PCDHA9: variants seen among roughly 807,000 people sequenced by gnomAD.
PCDHA9 encodes protocadherin alpha 9, also known as protocadherin alpha-9.
A neutral mutation model predicts 62.0 loss-of-function variants in PCDHA9; 62 were observed. The observed-to-expected ratio is 1.00, with a 90% CI of 0.81 to 1.23. The LOEUF is 1.23. Ranked by LOEUF, PCDHA9 falls within the 50% of genes most tolerant of loss-of-function variation. The pLI is 0.00. For synonymous variants in PCDHA9, 557 were observed against 567.6 expected (o/e 0.98, Z 0.27); for missense variants, 1,205 against 1,249.8 (o/e 0.96, Z 0.54).
intron 1 of PCDHA9, among the ~76,000 whole-genome samples, chr5:140,940,939 C>T (rs930086780): frequency 2.0e-5 from 3 of 152,154 alleles, no homozygotes; most frequent in African/African-American, 2.4e-5. Context: ...ACTTAGACTA[C>T]GTATTCTCAG....
chr5:140,906,595 C>T (rs1341854347), intron 1 of PCDHA9, among the ~76,000 whole-genome samples: 1 of 152,218 alleles, frequency 6.6e-6, no homozygotes, highest in Non-Finnish European at 1.5e-5. Context: ...CCTTCCTCTA[C>T]TACTCATTCT....
chr5:140,955,492 A>G, intron 1 of PCDHA9, among the ~76,000 whole-genome samples: 1 of 152,138 alleles, frequency 6.6e-6, no homozygotes, highest in East Asian at 1.9e-4. Context: ...TCCTGCCACC[A>G]TGTGAAGAAA....
chr5:140,916,492 C>T (rs1310558218), intron 1 of PCDHA9, among the ~76,000 whole-genome samples: 2 of 152,170 alleles, frequency 1.3e-5, no homozygotes, highest in Admixed American at 6.5e-5. Context: ...GCTCTTTAGT[C>T]AGCAGGTGAT....
At chr5:140,880,582 A>G (rs2058391478) in intron 1 of PCDHA9, among the ~76,000 whole-genome samples, 1 of 152,230 alleles carries the variant, frequency 6.6e-6, no homozygotes, top group South Asian at 2.1e-4. Flanking sequence ...GAAGAGAGGA[A>G]AGAGAATATG....
chr5:140,948,158 A>C lies in PCDHA9; in HGVS notation c.2395-30791A>C, dbSNP rs191151506. On this transcript the variant is annotated intron_variant, in intron 1 of 3. Transcript: ENST00000532602. The stretch of plus-strand genomic sequence containing the variant: ...TAATTGATTTTTGAATGTTGGAAAA[A>C]ACCTTCCATTCCTAGGGTAAATCCC... Among the ~76,000 whole-genome samples the C allele has an allele frequency of 2.8e-3, 418 of 151,676 alleles. 1 individual carries two copies. The highest frequency in any genetic ancestry group is 0.014 in the Middle Eastern group (4 of 294).
chr5:140,880,528 A>T lies in PCDHA9; in HGVS notation c.2394+29639A>T, dbSNP rs539592135. ...GTTTGGTCACATCTCTCAATGTGTGAATCATCTGAAAGTGAACTGATGGAA... is the reference window on the plus strand; with the variant it reads ...GTTTGGTCACATCTCTCAATGTGTGTATCATCTGAAAGTGAACTGATGGAA... On this transcript the variant is annotated intron_variant, in intron 1 of 3. Coordinates refer to ENST00000532602, the MANE Select transcript of PCDHA9 (RefSeq NM_031857.2). 7.9e-5 allele frequency among the ~76,000 whole-genome samples: 12 copies of T among 152,354 alleles called. No homozygotes were observed. The East Asian group carries it at 2.3e-3, about 29-fold the overall frequency.
chr5:140,867,042 G>T lies in PCDHA9; in HGVS notation c.2394+16153G>T, dbSNP rs782113838. Reference sequence around the variant, plus strand: ...ATATCAAACTCTTTTATGACTTGGCGTTTGTTCAGTACTACTTTATATATT... The same window carrying T: ...ATATCAAACTCTTTTATGACTTGGCTTTTGTTCAGTACTACTTTATATATT... On this transcript the variant is annotated intron_variant, in intron 1 of 3. Transcript: ENST00000532602. The T allele has an allele frequency of 4.6e-5, 7 of 152,202 alleles. 1 individual carries two copies. Among genetic ancestry groups the T allele is most frequent in the African/African-American group, 1.7e-4 (7 of 41,564 alleles). 9.4% of individuals were successfully genotyped at this position (152,202 alleles called of 1,614,324 possible). A position where few individuals can be genotyped will look rare whatever the true frequency, so the allele number is the denominator to read the frequency against.
intron 1 of PCDHA9, among the ~76,000 whole-genome samples, chr5:140,886,192 G>A (rs2060891690): frequency 6.6e-6 from 1 of 152,118 alleles, no homozygotes; most frequent in Non-Finnish European, 1.5e-5. Context: ...CTGGCAAGCA[G>A]TAATCTGTTC....
chr5:140,857,858 G>T (rs781810921), intron 1 of PCDHA9: 3 of 1,597,852 alleles, frequency 1.9e-6, no homozygotes, highest in South Asian at 1.1e-5. Context: ...TGGATACAAC[G>T]CGTGGCTGTC....
At chr5:140,855,165 T>C (rs1172731300) in intron 1 of PCDHA9, among the ~76,000 whole-genome samples, 1 of 149,930 alleles carries the variant, frequency 6.7e-6, no homozygotes, top group Non-Finnish European at 1.5e-5. Context: ...TTGAGCCTCA[T>C]GAAAACAAAT....
Position 141,003,329 on chromosome 5 carries a change from T to C in PCDHA9, c.2543-6298T>C, listed in dbSNP as rs571160293. On this transcript the variant is annotated intron_variant, in intron 3 of 3. Transcript: ENST00000532602. ...GGCCAGCTACTTCCAGAGGGCAGGG[T>C]TTTTTGTTTGTTTGCTCTGTCACCC... Among the ~76,000 whole-genome samples the C allele has an allele frequency of 7.2e-5, 11 of 152,118 alleles. No homozygotes were observed. The South Asian group carries it at 2.3e-3, about 32-fold the overall frequency.
At chr5:140,968,849 G>A in intron 1 of PCDHA9, 1 of 1,614,206 alleles carries the variant, frequency 6.2e-7, no homozygotes, top group East Asian at 2.2e-5. Context: ...TCAGAGGCAT[G>A]TTAAGAGCCC....
intron 1 of PCDHA9, among the ~76,000 whole-genome samples, chr5:140,923,187 T>C (rs1554201249): frequency 1.3e-5 from 2 of 152,192 alleles, no homozygotes; most frequent in African/African-American, 4.8e-5. Flanking sequence ...ATGCATCTAC[T>C]GCAGCAATTT....
intron 1 of PCDHA9, among the ~76,000 whole-genome samples, chr5:140,906,871 A>G (rs953788729): frequency 6.6e-6 from 1 of 152,184 alleles, no homozygotes; most frequent in African/African-American, 2.4e-5. Flanking sequence ...CCCAGCCAAC[A>G]CTGTAACTTC....
intron 1 of PCDHA9, among the ~76,000 whole-genome samples, chr5:140,951,450 C>A: frequency 6.6e-6 from 1 of 151,922 alleles, no homozygotes; most frequent in East Asian, 1.9e-4. Flanking sequence ...ATGATGCCGG[C>A]CATCTGCTTG....
At chr5:140,964,771 A>C (rs2095853520) in intron 1 of PCDHA9, among the ~76,000 whole-genome samples, 1 of 152,022 alleles carries the variant, frequency 6.6e-6, no homozygotes, top group South Asian at 2.1e-4. Context: ...GGATGCAGAG[A>C]GAAGAGGAAG....
In PCDHA9 at chr5:140,848,602, C is replaced by A. The variant is rs140949600; in HGVS notation, c.107C>A (p.Pro36Gln). The A allele has an allele frequency of 8.2e-6, 13 of 1,593,476 alleles. No individual in the cohort carries two copies. Among genetic ancestry groups the A allele is most frequent in the Non-Finnish European group, 1.1e-5 (13 of 1,164,008 alleles). ...VGSGQLHYSV[P>Q]EEAEHGTFVG... ...AGCGGCCAGCTCCACTACTCCGTCC[C>A]GGAGGAAGCCGAACACGGCACCTTC... Residue 36 changes from proline (P) to glutamine (Q), a missense_variant, in exon 1 of 4, where the codon CCG becomes CAG. Pro to Gln is a moderately conservative substitution (Grantham distance 76, BLOSUM62 -1). This residue lies in a region of PCDHA9 where 208 missense variants were observed against 213.2 expected (regional missense o/e 0.98). Coordinates refer to ENST00000532602, the MANE Select transcript of PCDHA9 (RefSeq NM_031857.2).
chr5:140,946,271 A>G (rs2093916351), intron 1 of PCDHA9, among the ~76,000 whole-genome samples: 1 of 152,058 alleles, frequency 6.6e-6, no homozygotes, highest in Non-Finnish European at 1.5e-5. Context: ...GCGAATTAAA[A>G]CCCCAATGAG....
chr5:140,865,608 A>G (rs915675853), intron 1 of PCDHA9: 4 of 152,202 alleles, frequency 2.6e-5, no homozygotes, highest in Non-Finnish European at 5.9e-5. Context: ...CAGTTTATTA[A>G]TATATTTGTT....
Sources: allele counts gnomAD v4.1 joint callset (sites outside exome capture counted in the v4.1 genomes callset), GRCh38; gene constraint gnomAD v4.1.1; regional missense constraint gnomAD v4.1.1; transcripts MANE v1.5; gene names NCBI Gene and HGNC (gene_info 2026-07-23, HGNC 2026-07-21).